The following EFCAB3 variants were observed in gnomAD, a reference collection of about 807,000 sequenced individuals.
EFCAB3 encodes the protein EF-hand calcium-binding domain-containing protein 3.
In EFCAB3, 36 loss-of-function variants were observed where a neutral mutation model predicts 42.2. The ratio of observed to expected loss-of-function variants is 0.85; its 90% CI spans 0.65 to 1.13. EFCAB3 has a LOEUF of 1.13. EFCAB3 is among the 50% of genes most tolerant of loss of function. EFCAB3 has a pLI of 0.00. For synonymous variants in EFCAB3, 170 were observed against 172.8 expected (o/e 0.98, Z 0.13); for missense variants, 418 against 505.1 (o/e 0.83, Z 1.65).
intron 1 of EFCAB3, among the ~76,000 whole-genome samples, chr17:62,381,233 G>A (rs1173956342): frequency 6.9e-6 from 1 of 145,358 alleles, no homozygotes; most frequent in African/African-American, 2.6e-5. Context: ...CCACCTATGA[G>A]TGAGAACACG....
In EFCAB3 at chr17:62,391,761, T is replaced by C. The variant is rs191332497; in HGVS notation, c.152-61T>C. The C allele has an allele frequency of 2.3e-3, 3,654 of 1,561,524 alleles. 3 individuals are homozygous for C. Among genetic ancestry groups the C allele is most frequent in the Non-Finnish European group, 2.7e-3 (3,104 of 1,141,706 alleles). On this transcript the variant is annotated intron_variant, in intron 3 of 9. Coordinates refer to ENST00000305286, the MANE Select transcript of EFCAB3 (RefSeq NM_173503.4). Reference sequence around the variant, plus strand: ...TCAACTATATTGTCTGTCCTAGTCCTATTAGTGTATGTACTTCTTCTTGAA... The same window carrying C: ...TCAACTATATTGTCTGTCCTAGTCCCATTAGTGTATGTACTTCTTCTTGAA...
At chr17:62,377,627 A>G (rs2070161325), upstream of EFCAB3, among the ~76,000 whole-genome samples, 1 of 152,194 alleles carries the variant, frequency 6.6e-6, no homozygotes, top group Non-Finnish European at 1.5e-5. Context: ...ATACCTTCCT[A>G]AACAAAGCAT....
chr17:62,373,148 C>T (rs138824374), intron 1 of EFCAB3, among the ~76,000 whole-genome samples: 74 of 152,012 alleles, frequency 4.9e-4, no homozygotes, highest in African/African-American at 1.8e-3. Context: ...GGCATGATGG[C>T]ACATGCCTGT....
Position 62,396,901 on chromosome 17 carries a change from A to T in EFCAB3, c.488+1713A>T, listed in dbSNP as rs141174819. On this transcript the variant is annotated intron_variant, in intron 6 of 9. Coordinates refer to ENST00000305286, the MANE Select transcript of EFCAB3 (RefSeq NM_173503.4). ...TCTAAAAAAATAAAATAAAAATAAA[A>T]TTTTTTTAAAAAGAATATACATATT... is the stretch of plus-strand genomic sequence containing the variant. Among the ~76,000 whole-genome samples the T allele has an allele frequency of 3.2e-4, 49 of 152,194 alleles. No homozygotes were observed. The South Asian group carries it at 5.4e-3, about 17-fold the overall frequency.
intron 4 of EFCAB3, among the ~76,000 whole-genome samples, chr17:62,392,650 T>C (rs2070313763): frequency 6.6e-6 from 1 of 152,142 alleles, no homozygotes; most frequent in Non-Finnish European, 1.5e-5. Flanking sequence ...GTTTTTTTTT[T>C]TGTTTGAGAC....
chr17:62,393,309 G>C (rs2070320119), intron 4 of EFCAB3, among the ~76,000 whole-genome samples: 1 of 152,146 alleles, frequency 6.6e-6, no homozygotes, highest in Non-Finnish European at 1.5e-5. Flanking sequence ...TCTGAGAAAG[G>C]AGCAGGTGGA....
chr17:62,380,009 CTT>C (rs1331543586), upstream of EFCAB3, among the ~76,000 whole-genome samples: 1 of 152,062 alleles, frequency 6.6e-6, no homozygotes, highest in African/African-American at 2.4e-5. Flanking sequence ...AAGACTTTCT[CTT>C]TTTTTCTGAG....
chr17:62,400,410 G>A (rs2070390666), intron 6 of EFCAB3, among the ~76,000 whole-genome samples: 1 of 152,094 alleles, frequency 6.6e-6, no homozygotes, highest in African/African-American at 2.4e-5. Flanking sequence ...CCCAGTGTGT[G>A]ATGTTCCCCA....
chr17:62,392,883 C>T (rs11871848), intron 4 of EFCAB3, among the ~76,000 whole-genome samples: 106,232 of 151,872 alleles, frequency 0.7, 43,369 homozygotes, highest in Non-Finnish European at 0.92. Context: ...GTGATCCGCC[C>T]GCCTCGGCCT....
Position 62,406,342 on chromosome 17 carries a change from A to C in EFCAB3, c.489-138A>C. 3 of 634,936 alleles carry C rather than the reference A, an allele frequency of 4.7e-6. No individual in the cohort carries two copies. The South Asian group carries it at 7.2e-5, about 15-fold the overall frequency. The allele number at this position is 634,936 out of a possible 1,614,324, so 39.3% of individuals were successfully genotyped here. A position where few individuals can be genotyped will look rare whatever the true frequency, so the allele number is the denominator to read the frequency against. ...TTCTATAAATATCACAGAAATGGGC[A>C]CTCAAATATTATTGAATGAATATGC... On this transcript the variant is annotated intron_variant, in intron 6 of 9. Coordinates refer to ENST00000305286, the MANE Select transcript of EFCAB3 (RefSeq NM_173503.4).
chr17:62,415,306 T>C (rs756303376), intron 9 of EFCAB3, among the ~76,000 whole-genome samples: 3 of 152,166 alleles, frequency 2.0e-5, no homozygotes. Context: ...TCCCTCTCAA[T>C]GATGGCAATT....
chr17:62,393,255 T>C (rs1388269267), intron 4 of EFCAB3, among the ~76,000 whole-genome samples: 1 of 152,202 alleles, frequency 6.6e-6, no homozygotes, highest in African/African-American at 2.4e-5. Flanking sequence ...GGGGTGGTTA[T>C]AGCATGGGAA....
chr17:62,407,985 A>T (rs1181540665), intron 8 of EFCAB3, among the ~76,000 whole-genome samples: 2 of 152,228 alleles, frequency 1.3e-5, no homozygotes, highest in African/African-American at 4.8e-5. Flanking sequence ...AAATGACCTC[A>T]GGTTCAGACT....
Position 62,395,275 on chromosome 17 carries a change from A to G in EFCAB3, c.488+87A>G, listed in dbSNP as rs529906916. On this transcript the variant is annotated intron_variant, in intron 6 of 9. Transcript: ENST00000305286. ...GGCAGTCAGCTCCCACTAACATCCAACTCCACAGGGTCTGGTCCAAAACTA... is the reference window on the plus strand; with the variant it reads ...GGCAGTCAGCTCCCACTAACATCCAGCTCCACAGGGTCTGGTCCAAAACTA... 2.6e-4 allele frequency: 395 copies of G among 1,525,372 alleles called. 8 individuals are homozygous for G. In the South Asian group the frequency reaches 4.2e-3, roughly 16 times the overall value. 94.5% of individuals were successfully genotyped at this position (1,525,372 alleles called of 1,614,324 possible).
intron 6 of EFCAB3, among the ~76,000 whole-genome samples, chr17:62,406,252 G>A (rs185780992): frequency 1.4e-3 from 212 of 152,188 alleles, no homozygotes; most frequent in African/African-American, 4.9e-3. Context: ...GGGAAAAAAG[G>A]AGACCAAAAG....
chr17:62,412,549 C>T (rs1448350034), intron 8 of EFCAB3, among the ~76,000 whole-genome samples: 3 of 152,018 alleles, frequency 2.0e-5, no homozygotes, highest in Non-Finnish European at 1.5e-5. Flanking sequence ...ACTACAACCT[C>T]TGCCTCCCAG....
chr17:62,392,755 A>G (rs988014351), intron 4 of EFCAB3, among the ~76,000 whole-genome samples: 2 of 152,036 alleles, frequency 1.3e-5, no homozygotes, highest in Non-Finnish European at 2.9e-5. Context: ...CTCCTGCCTC[A>G]GCCTCTTGAG....
At chr17:62,378,000 A>G (rs2070163748), upstream of EFCAB3, 5 of 1,549,882 alleles carry the variant, frequency 3.2e-6, no homozygotes, top group Non-Finnish European at 4.4e-6. Context: ...TAAGTTGAAA[A>G]CTGCAAATGA....
In EFCAB3 at chr17:62,372,572, C is replaced by T. The variant is rs558972031; in HGVS notation, c.35-1242C>T. On this transcript the variant is annotated intron_variant, in intron 1 of 11. Transcript: ENST00000450662. ...GCTGGAATTACAGGCGTGACCACCG[C>T]GCCCGGCCAGTTGAAGAGATTCTTT... Among the ~76,000 whole-genome samples the T allele has an allele frequency of 1.6e-3, 246 of 151,940 alleles. 1 individual carries two copies. The highest frequency in any genetic ancestry group is 5.1e-3 in the African/African-American group (212 of 41,430).
Sources: allele counts gnomAD v4.1 joint callset (sites outside exome capture counted in the v4.1 genomes callset), GRCh38; gene constraint gnomAD v4.1.1; transcripts MANE v1.5; gene names NCBI Gene and HGNC (gene_info 2026-07-23, HGNC 2026-07-21).